MCF2L: variants seen among roughly 807,000 people sequenced by gnomAD.
MCF2L encodes MCF.2 cell line derived transforming sequence like, also known as guanine nucleotide exchange factor DBS.
MCF2L carries 97 observed loss-of-function variants against 153.4 expected under a neutral mutation model. That is an observed-to-expected ratio of 0.63 (90% confidence interval 0.54 to 0.75). The LOEUF (loss-of-function observed/expected upper bound fraction) is 0.75. Ranked by LOEUF, MCF2L falls within the 30% of genes least tolerant of loss-of-function variation. The probability of loss-of-function intolerance (pLI) is 0.00; values close to 1 mark genes in which losing one functional copy is unlikely to be tolerated. For missense variants in MCF2L, 1,347 were observed against 1,495.2 expected (o/e 0.90, Z 1.64); for synonymous variants, 659 against 632.2 (o/e 1.04, Z -0.64).
At chr13:113,085,481 G>A (rs2034543073) in intron 20 of MCF2L, among the ~76,000 whole-genome samples, 1 of 152,220 alleles carries the variant, frequency 6.6e-6, no homozygotes, top group Non-Finnish European at 1.5e-5. Flanking sequence ...GGATTATCTG[G>A]CACACAGCAG....
At chr13:113,014,705 C>T in intron 1 of MCF2L, 58 bp from the exon 2 acceptor site, 1 of 1,488,802 alleles carries the variant, frequency 6.7e-7, no homozygotes, top group Non-Finnish European at 9.3e-7. Context: ...CGGGTGGGCG[C>T]TTGCAGGGTG....
chr13:113,084,783 TGCGTGATGCGGTGCCCGTCCCTCACC>T, intron 18 of MCF2L, 83 bp from the exon 19 acceptor site: 1 of 821,018 alleles, frequency 1.2e-6, no homozygotes, highest in Non-Finnish European at 2.0e-6. Context: ...GGGAAGACGC[TGCGTGATGCGGTGCCCGTCCCTCACC>T]GCGTAATGCG....
At chr13:113,003,462 T>G (rs1380569128) in intron 1 of MCF2L, among the ~76,000 whole-genome samples, 1 of 150,636 alleles carries the variant, frequency 6.6e-6, no homozygotes, top group African/African-American at 2.5e-5. Context: ...GGTTTTGGGG[T>G]TGGCTGTGGG....
intron 2 of MCF2L, among the ~76,000 whole-genome samples, chr13:112,929,506 G>C (rs985469379): frequency 6.6e-6 from 1 of 152,214 alleles, no homozygotes; most frequent in Non-Finnish European, 1.5e-5. Context: ...AACCACTTGG[G>C]AAAAACAACA....
chr13:112,988,457 C>T (rs1261370824), intron 1 of MCF2L, among the ~76,000 whole-genome samples: 2 of 152,170 alleles, frequency 1.3e-5, no homozygotes, highest in Non-Finnish European at 2.9e-5. Flanking sequence ...TTTTAATTCT[C>T]GGCAGCTCTG....
intron 2 of MCF2L, chr13:112,956,620 G>A (rs920403150): frequency 1.1e-4 from 16 of 152,352 alleles, no homozygotes; most frequent in Admixed American, 5.9e-4. Flanking sequence ...CAGTGGCTGC[G>A]GCTTTCAGGC....
chr13:112,915,745 G>A (rs59490725), intron 2 of MCF2L, among the ~76,000 whole-genome samples: 4,490 of 152,116 alleles, frequency 0.03, 203 homozygotes, highest in African/African-American at 0.1. Flanking sequence ...ATCTCGTCCC[G>A]AGTGGATTGC....
chr13:113,067,143 G>C (rs913712147), intron 8 of MCF2L, among the ~76,000 whole-genome samples: 1 of 152,284 alleles, frequency 6.6e-6, no homozygotes, highest in Admixed American at 6.5e-5. Flanking sequence ...ACGCTGATCC[G>C]TGCACACGCC....
chr13:113,082,842 C>T (rs1223171363), intron 17 of MCF2L, among the ~76,000 whole-genome samples: 1 of 152,146 alleles, frequency 6.6e-6, no homozygotes, highest in Admixed American at 6.5e-5. Flanking sequence ...GGAAATGGGA[C>T]CCGCCTGCCC....
intron 2 of MCF2L, chr13:112,902,405 T>G: frequency 6.2e-7 from 1 of 1,603,154 alleles, no homozygotes; most frequent in East Asian, 2.2e-5. Flanking sequence ...CATTTGATTT[T>G]GCAGGTCTCA....
intron 14 of MCF2L, 94 bp from the exon 15 acceptor site, chr13:113,078,572 T>C (rs2033765536): frequency 7.1e-7 from 1 of 1,408,814 alleles, no homozygotes; most frequent in African/African-American, 1.4e-5. Flanking sequence ...AATTCAGCCC[T>C]GTCCCCATAC....
intron 12 of MCF2L, 122 bp from the exon 13 acceptor site, chr13:113,076,930 C>A (rs1462225936): frequency 2.8e-6 from 3 of 1,062,470 alleles, no homozygotes; most frequent in East Asian, 5.1e-5. Flanking sequence ...CGCTGACAGA[C>A]CCCGCATGGA....
chr13:113,080,561 C>A (rs1309338425), intron 15 of MCF2L, among the ~76,000 whole-genome samples: 1 of 152,238 alleles, frequency 6.6e-6, no homozygotes, highest in Non-Finnish European at 1.5e-5. Context: ...GCAGGCAGGG[C>A]CGTAGGCTGC....
Position 113,044,895 on chromosome 13 carries a change from G to A in MCF2L, c.279-376G>A, listed in dbSNP as rs143037764. On this transcript the variant is annotated intron_variant, in intron 3 of 29. Coordinates refer to ENST00000535094, the MANE Select transcript of MCF2L (RefSeq NM_001112732.3). ...ATGCCAGGACCGGCGTGATGTATGC[G>A]CCATAAGACTGTTTTGGAGGGTTTA... 325 of 1,612,774 alleles carry A rather than the reference G, an allele frequency of 2.0e-4. 3 individuals are homozygous for A. In the East Asian group the frequency reaches 6.7e-3, roughly 33 times the overall value.
intron 26 of MCF2L, chr13:113,090,287 C>T (rs970231916): frequency 7.3e-5 from 94 of 1,291,496 alleles, no homozygotes; most frequent in Non-Finnish European, 8.6e-5. Flanking sequence ...CACCCAATCA[C>T]GTGTTCCCTG....
At chr13:112,988,347 C>T (rs1262569705) in intron 1 of MCF2L, among the ~76,000 whole-genome samples, 3 of 152,158 alleles carry the variant, frequency 2.0e-5, no homozygotes, top group African/African-American at 7.2e-5. Flanking sequence ...AAAGGAAAGT[C>T]GTGGAGAAGG....
At chr13:113,041,674 C>T (rs535050179) in intron 3 of MCF2L, among the ~76,000 whole-genome samples, 1 of 152,294 alleles carries the variant, frequency 6.6e-6, no homozygotes, top group East Asian at 1.9e-4. Context: ...AGGCTTTGCA[C>T]CTTCTGAGTC....
At chr13:113,030,369 G>A (rs1271185045) in intron 3 of MCF2L, among the ~76,000 whole-genome samples, 1 of 141,194 alleles carries the variant, frequency 7.1e-6, no homozygotes, top group Admixed American at 7.2e-5. Flanking sequence ...GTCCGCTGAC[G>A]CAGGTGTGGG....
intron 2 of MCF2L, among the ~76,000 whole-genome samples, chr13:112,947,101 G>A (rs777000780): frequency 6.6e-6 from 1 of 152,178 alleles, no homozygotes; most frequent in Non-Finnish European, 1.5e-5. Flanking sequence ...AGGCTGGGAA[G>A]TCCAAGATCA....
Sources: gnomAD v4.1 joint callset for allele counts (sites outside exome capture counted in the v4.1 genomes callset) on GRCh38, gnomAD v4.1.1 for gene constraint, MANE v1.5 for transcripts, NCBI Gene and HGNC (gene_info 2026-07-23, HGNC 2026-07-21) for gene names.